The following ASB3 variants were observed in gnomAD, a reference collection of about 807,000 sequenced individuals.
ASB3 encodes ankyrin repeat and SOCS box containing 3, also known as ankyrin repeat and SOCS box protein 3.
ASB3 carries 41 observed loss-of-function variants against 54.5 expected under a neutral mutation model. That is an observed-to-expected ratio of 0.75 (90% CI 0.59 to 0.98). ASB3 has a LOEUF of 0.98. Ranked by LOEUF, ASB3 falls within the 50% of genes least tolerant of loss-of-function variation. The probability of loss-of-function intolerance (pLI) is 0.00; values close to 1 mark genes in which losing one functional copy is unlikely to be tolerated. For missense variants in ASB3, 733 were observed against 620.0 expected (o/e 1.18, Z -1.94); for synonymous variants, 266 against 221.2 (o/e 1.20, Z -1.80).
At chr2:53,713,609 C>T (rs997013746) in intron 7 of ASB3, among the ~76,000 whole-genome samples, 3 of 152,166 alleles carry the variant, frequency 2.0e-5, no homozygotes, top group Non-Finnish European at 4.4e-5. Flanking sequence ...ATTATTTAGA[C>T]TCACATCCAA....
chr2:53,755,949 T>C (rs1451425833), intron 2 of ASB3, among the ~76,000 whole-genome samples: 3 of 151,914 alleles, frequency 2.0e-5, no homozygotes, highest in South Asian at 2.1e-4. Context: ...GCCAGGAGTT[T>C]TGAGACCAAC....
At chr2:53,729,272 C>T (rs1020034023) in intron 4 of ASB3, among the ~76,000 whole-genome samples, 186 bp downstream of exon 4, 2 of 152,140 alleles carry the variant, frequency 1.3e-5, no homozygotes, top group Non-Finnish European at 2.9e-5. Context: ...TAGCCCAAAG[C>T]TTCCACAGCT....
At chr2:53,755,058 A>G (rs894527022) in intron 2 of ASB3, among the ~76,000 whole-genome samples, 1 of 152,116 alleles carries the variant, frequency 6.6e-6, no homozygotes, top group African/African-American at 2.4e-5. Flanking sequence ...ATCTCTCCTT[A>G]CCCTCAAAGG....
intron 2 of ASB3, among the ~76,000 whole-genome samples, chr2:53,757,719 G>A (rs1672914139): frequency 6.6e-6 from 1 of 152,180 alleles, no homozygotes; most frequent in Non-Finnish European, 1.5e-5. Flanking sequence ...TGGTGTCCCA[G>A]TTTAGATATA....
intron 2 of ASB3, among the ~76,000 whole-genome samples, chr2:53,757,157 C>T (rs888278576): frequency 3.3e-5 from 5 of 152,218 alleles, no homozygotes; most frequent in African/African-American, 4.8e-5. Context: ...CTTTCACTTG[C>T]TATTCTGTCC....
chr2:53,732,131 G>C (rs563044430), intron 3 of ASB3, among the ~76,000 whole-genome samples: 1 of 151,416 alleles, frequency 6.6e-6, no homozygotes, highest in African/African-American at 2.4e-5. Flanking sequence ...GCTAATTTTT[G>C]TATTTTTAGT....
intron 7 of ASB3, among the ~76,000 whole-genome samples, chr2:53,701,482 C>A (rs1352488151): frequency 1.3e-5 from 2 of 152,110 alleles, no homozygotes; most frequent in Non-Finnish European, 2.9e-5. Flanking sequence ...TGCAATATCT[C>A]TTCTCTATTA....
intron 9 of ASB3, among the ~76,000 whole-genome samples, chr2:53,676,707 T>C (rs1668098093): frequency 6.6e-6 from 1 of 152,188 alleles, no homozygotes; most frequent in Admixed American, 6.5e-5. Context: ...GTCCTGCAAG[T>C]TCCATTCCTA....
Position 53,714,516 on chromosome 2 carries a change from G to A in ASB3, c.848C>T (p.Pro283Leu), listed in dbSNP as rs1350649874. ...TCCCCCAAACACTGCTGAGTAAACA[G>A]GGCTTACTTTGTTTAGCCCAGTGTC... ...ACDTGLNKVS[P>L]VYSAVFGGHE... Residue 283 changes from proline to leucine, a missense_variant, in exon 7 of 10, where the codon CCT becomes CTT. Pro to Leu is a moderately conservative substitution (Grantham distance 98, BLOSUM62 -3). Coordinates refer to ENST00000263634, the MANE Select transcript of ASB3 (RefSeq NM_016115.5). 6.2e-7 allele frequency: 1 copy of A among 1,614,188 alleles called. No individual in the cohort carries two copies. The highest frequency in any genetic ancestry group is 8.5e-7 in the Non-Finnish European group (1 of 1,180,026).
chr2:53,757,370 A>C (rs1672892867), intron 2 of ASB3, among the ~76,000 whole-genome samples: 1 of 152,180 alleles, frequency 6.6e-6, no homozygotes, highest in Non-Finnish European at 1.5e-5. Context: ...CCGAGGGCCG[A>C]CTAGAGGCAG....
intron 3 of ASB3, among the ~76,000 whole-genome samples, chr2:53,742,120 A>G (rs1671963964): frequency 2.0e-5 from 3 of 152,238 alleles, no homozygotes; most frequent in Non-Finnish European, 4.4e-5. Flanking sequence ...ATCCAAAAAA[A>G]GAATCACACA....
intron 7 of ASB3, among the ~76,000 whole-genome samples, chr2:53,711,064 G>A (rs766091395): frequency 4.5e-4 from 68 of 152,224 alleles, no homozygotes; most frequent in Non-Finnish European, 6.6e-4. Context: ...CAGGGAAGTC[G>A]AGGCTGCAGT....
chr2:53,729,670 A>C, intron 3 of ASB3, 100 bp from the exon 4 acceptor site: 1 of 918,492 alleles, frequency 1.1e-6, no homozygotes, highest in African/African-American at 1.6e-5. Flanking sequence ...CCTCAGAACC[A>C]CAATGCTCTG....
intron 3 of ASB3, among the ~76,000 whole-genome samples, chr2:53,744,392 T>A (rs55638030): frequency 0.059 from 8,227 of 138,320 alleles, 489 homozygotes; most frequent in East Asian, 0.12. Context: ...CTCAAAAAAA[T>A]AAATAAAAAA....
At chr2:53,752,055 G>A (rs939362051) in intron 2 of ASB3, among the ~76,000 whole-genome samples, 2 of 152,040 alleles carry the variant, frequency 1.3e-5, no homozygotes, top group Non-Finnish European at 1.5e-5. Flanking sequence ...TGAAAACCTA[G>A]GAACACAAAG....
chr2:53,763,226 G>T (rs1394502183), intron 2 of ASB3, among the ~76,000 whole-genome samples: 1 of 152,182 alleles, frequency 6.6e-6, no homozygotes, highest in Non-Finnish European at 1.5e-5. Context: ...GGCATTGGTG[G>T]TGTGCACCTG....
rs201307163 is a variant in ASB3, at chr2:53,773,418, CTG to C, written c.-13-7835_-13-7834del. 9.2e-3 allele frequency among the ~76,000 whole-genome samples: 1,401 copies of C among 151,586 alleles called. 23 individuals are homozygous for C. The highest frequency in any genetic ancestry group is 0.032 in the African/African-American group (1,328 of 41,062). Reference sequence around the variant, plus strand: ...TCTGTGCACTTTAAGTGAAGAAAAACTGTATTGACTTTTATTTATTTTTTATT... The same window carrying C: ...TCTGTGCACTTTAAGTGAAGAAAAACTATTGACTTTTATTTATTTTTTATT... On this transcript the variant is annotated intron_variant, in intron 1 of 9. Transcript: ENST00000263634.
intron 6 of ASB3, among the ~76,000 whole-genome samples, chr2:53,715,467 G>A (rs1670334752): frequency 6.6e-6 from 1 of 152,088 alleles, no homozygotes; most frequent in Non-Finnish European, 1.5e-5. Flanking sequence ...TACCTTTGAA[G>A]TAGGCTATAA....
At chr2:53,768,933 G>T (rs1426627877) in intron 1 of ASB3, among the ~76,000 whole-genome samples, 1 of 152,188 alleles carries the variant, frequency 6.6e-6, no homozygotes, top group Non-Finnish European at 1.5e-5. Context: ...CGCTAAAGTA[G>T]TTTGCACCTG....
Sources: gnomAD v4.1 joint callset for allele counts (sites outside exome capture counted in the v4.1 genomes callset) on GRCh38, gnomAD v4.1.1 for gene constraint, MANE v1.5 for transcripts, NCBI Gene and HGNC (gene_info 2026-07-23, HGNC 2026-07-21) for gene names.